STK3: variants seen among roughly 807,000 people sequenced by gnomAD.
The protein encoded by STK3 is serine/threonine-protein kinase 3.
STK3 carries 41 observed loss-of-function variants against 58.0 expected under a neutral mutation model. That is an observed-to-expected ratio of 0.71 (90% CI 0.55 to 0.92). The LOEUF is 0.92. Among genes scored for constraint, STK3 ranks in the 40% least tolerant of loss-of-function variants. The probability of loss-of-function intolerance (pLI) is 0.00; values close to 1 mark genes in which losing one functional copy is unlikely to be tolerated. For missense variants in STK3, 479 were observed against 602.7 expected (o/e 0.79, Z 2.15); for synonymous variants, 170 against 191.0 (o/e 0.89, Z 0.91).
At chr8:98,442,548 A>G (rs1044078685) in intron 1 of STK3, among the ~76,000 whole-genome samples, 2 of 152,230 alleles carry the variant, frequency 1.3e-5, no homozygotes, top group Admixed American at 6.5e-5. Flanking sequence ...ACAGAGCAGA[A>G]TGTCTGTTCC....
At chr8:98,824,551 AT>A (rs1835128946) in intron 1 of STK3, among the ~76,000 whole-genome samples, 1 of 152,220 alleles carries the variant, frequency 6.6e-6, no homozygotes, top group Non-Finnish European at 1.5e-5. Flanking sequence ...GAATCTATCA[AT>A]TGACTTGCTC....
chr8:98,897,317 G>A (rs1445206516), intron 1 of STK3, among the ~76,000 whole-genome samples: 1 of 152,180 alleles, frequency 6.6e-6, no homozygotes, highest in Non-Finnish European at 1.5e-5. Context: ...TAGCACTTTG[G>A]GAGGTGGAGG....
intron 4 of STK3, among the ~76,000 whole-genome samples, chr8:98,708,945 GGTTGCC>G: frequency 6.6e-6 from 1 of 151,652 alleles, no homozygotes; most frequent in East Asian, 2.0e-4. Flanking sequence ...GATGGGAGCT[GGTTGCC>G]GAAAAAACCA....
intron 1 of STK3, among the ~76,000 whole-genome samples, chr8:98,805,553 G>A (rs1394656566): frequency 4.0e-5 from 6 of 151,838 alleles, no homozygotes; most frequent in Non-Finnish European, 5.9e-5. Flanking sequence ...TAGCCTGGGC[G>A]ACAAGAGCAA....
At chr8:98,507,369 G>A (rs570061226) in intron 10 of STK3, among the ~76,000 whole-genome samples, 6 of 152,228 alleles carry the variant, frequency 3.9e-5, no homozygotes, top group East Asian at 1.9e-4. Flanking sequence ...GAATTATCCC[G>A]GATCTTTCAT....
At chr8:98,441,132 T>G (rs1818680414) in intron 1 of STK3, among the ~76,000 whole-genome samples, 1 of 152,162 alleles carries the variant, frequency 6.6e-6, no homozygotes, top group South Asian at 2.1e-4. Flanking sequence ...ATCAAAGAAA[T>G]CAAACCTTAC....
Position 98,703,053 on chromosome 8 carries a change from C to G in STK3, c.684+3414G>C, listed in dbSNP as rs554108110. Among the ~76,000 whole-genome samples, 7 of 152,216 alleles carry G rather than the reference C, an allele frequency of 4.6e-5. No individual in the cohort carries two copies. The South Asian group carries it at 1.5e-3, about 32-fold the overall frequency. On this transcript the variant is annotated intron_variant, in intron 6 of 10. Transcript: ENST00000419617. ...AGCCTATATGTCTACCAAAACATGG[C>G]TGGAAAACAAAACTTTAAAAATTGA...
intron 2 of STK3, among the ~76,000 whole-genome samples, chr8:98,768,643 CT>C (rs2131452847): frequency 6.6e-6 from 1 of 152,260 alleles, no homozygotes; most frequent in East Asian, 1.9e-4. Context: ...GCTAGATCAT[CT>C]ACTGTCAATT....
At chr8:98,741,349 A>T (rs1829190481) in intron 4 of STK3, among the ~76,000 whole-genome samples, 1 of 152,206 alleles carries the variant, frequency 6.6e-6, no homozygotes, top group African/African-American at 2.4e-5. Context: ...TTGGAAGTAA[A>T]GCTCTCCTCA....
At chr8:98,413,890 C>T in intron 3 of STK3, 1 of 468,190 alleles carries the variant, frequency 2.1e-6, no homozygotes, top group Non-Finnish European at 4.0e-6. Flanking sequence ...AGGCATCCTC[C>T]ATTTAACTGG....
chr8:98,904,223 A>G (rs1378928118), intron 1 of STK3, among the ~76,000 whole-genome samples: 1 of 152,184 alleles, frequency 6.6e-6, no homozygotes, highest in Non-Finnish European at 1.5e-5. Context: ...TTGCCACTAC[A>G]TGGTCATTTG....
chr8:98,675,112 A>T (rs1283138243), intron 6 of STK3, among the ~76,000 whole-genome samples: 1 of 152,220 alleles, frequency 6.6e-6, no homozygotes, highest in African/African-American at 2.4e-5. Flanking sequence ...AGTAAAGAAA[A>T]ATATACATAA....
chr8:98,774,772 T>C lies in STK3; in HGVS notation c.74A>G (p.Glu25Gly). Residue 25 changes from glutamate (E) to glycine (G), a missense_variant, in exon 2 of 11, where the codon GAA becomes GGA. This residue lies in a region of STK3 where 44 missense variants were observed against 37.0 expected (regional missense o/e 1.19). Transcript: ENST00000419617. ...AAGCTTCTCTAATACATCAAAAACT[T>C]CTTCAGGCTGCTTAGTCAAACTGTC... ...SEDSLTKQPE[E>G]VFDVLEKLGE... is the part of the protein sequence containing the mutation. The C allele has an allele frequency of 6.3e-7, 1 of 1,587,286 alleles. No individual in the cohort carries two copies. Among genetic ancestry groups the C allele is most frequent in the Non-Finnish European group, 8.6e-7 (1 of 1,168,706 alleles).
chr8:98,769,410 T>C (rs1170294402), intron 2 of STK3, among the ~76,000 whole-genome samples: 1 of 152,214 alleles, frequency 6.6e-6, no homozygotes, highest in Non-Finnish European at 1.5e-5. Context: ...AATGGGAGTT[T>C]GTCTGCACAA....
chr8:98,658,851 G>A (rs529280085), intron 6 of STK3, among the ~76,000 whole-genome samples: 6 of 151,920 alleles, frequency 3.9e-5, no homozygotes, highest in Non-Finnish European at 8.8e-5. Context: ...TTAAAAAATG[G>A]GTCAAACACA....
At chr8:98,920,466 T>G (rs533134309) in intron 1 of STK3, among the ~76,000 whole-genome samples, 1 of 152,300 alleles carries the variant, frequency 6.6e-6, no homozygotes, top group East Asian at 1.9e-4. Flanking sequence ...TCCGGCTGGG[T>G]CTGGGAGCCA....
intron 1 of STK3, chr8:98,889,951 T>C (rs1305474799): frequency 6.6e-6 from 1 of 152,228 alleles, no homozygotes; most frequent in Non-Finnish European, 1.5e-5. Context: ...AGCTTTGAAC[T>C]AGCAGTATCT....
chr8:98,763,412 C>G (rs1461081840), intron 3 of STK3, among the ~76,000 whole-genome samples: 1 of 152,110 alleles, frequency 6.6e-6, no homozygotes, highest in Admixed American at 6.5e-5. Flanking sequence ...CACCTCTGGT[C>G]CTTTTATAGA....
intron 3 of STK3, among the ~76,000 whole-genome samples, chr8:98,751,517 A>T (rs2131365362): frequency 6.6e-6 from 1 of 152,368 alleles, no homozygotes; most frequent in South Asian, 2.1e-4. Flanking sequence ...TGCCACAAAA[A>T]GAATAAACTA....
Sources: gnomAD v4.1 joint callset for allele counts (sites outside exome capture counted in the v4.1 genomes callset) on GRCh38, gnomAD v4.1.1 for gene constraint, gnomAD v4.1.1 regional missense constraint, MANE v1.5 for transcripts, NCBI Gene and HGNC (gene_info 2026-07-23, HGNC 2026-07-21) for gene names.